The following METTL24 variants were observed in gnomAD, a reference collection of about 807,000 sequenced individuals.
METTL24 encodes probable methyltransferase-like protein 24.
Under a neutral mutation model 32.7 loss-of-function variants are expected in METTL24, and 29 were observed. The observed-to-expected ratio is 0.89, with a 90% CI of 0.66 to 1.21. The LOEUF is 1.21. METTL24 is among the 50% of genes most tolerant of loss of function. The pLI, the probability that METTL24 is intolerant of heterozygous loss-of-function variation, is 0.00. For synonymous variants in METTL24, 163 were observed against 179.5 expected, an observed-to-expected ratio of 0.91 and a Z score of 0.73; for missense variants, 439 against 468.1, an observed-to-expected ratio of 0.94 and a Z score of 0.57.
rs1467513119 is a variant in METTL24 at position 110,303,723 on chromosome 6, C to T, written c.558-4573G>A. On this transcript the variant is annotated intron_variant, in intron 3 of 4. Coordinates refer to ENST00000338882, the MANE Select transcript of METTL24 (RefSeq NM_001123364.3). ...GGGTCAGAGCACCTGGGGGAAGGGG[C>T]GGCTGCGGGTGCAGCTTCAGCAGAC... 3.3e-5 allele frequency among the ~76,000 whole-genome samples: 5 copies of T among 152,332 alleles called. No homozygotes were observed. The South Asian group carries it at 8.3e-4, about 25-fold the overall frequency.
At chr6:110,318,819 C>G (rs1456716602) in intron 2 of METTL24, among the ~76,000 whole-genome samples, 1 of 152,096 alleles carries the variant, frequency 6.6e-6, no homozygotes, top group Non-Finnish European at 1.5e-5. Flanking sequence ...ATTGATTTTT[C>G]AAACTTTCTA....
At chr6:110,276,159 G>A (rs1198038410) in intron 4 of METTL24, among the ~76,000 whole-genome samples, 2 of 152,152 alleles carry the variant, frequency 1.3e-5, no homozygotes, top group African/African-American at 4.8e-5. Context: ...TTTCCTAGGT[G>A]TGGTGGTTCA....
chr6:110,249,642 T>C (rs192171570), intron 4 of METTL24, among the ~76,000 whole-genome samples: 12 of 152,148 alleles, frequency 7.9e-5, no homozygotes, highest in African/African-American at 2.9e-4. Flanking sequence ...GCACTAAACA[T>C]TGCTGAATAG....
At chr6:110,295,516 A>G (rs1269762763) in intron 4 of METTL24, among the ~76,000 whole-genome samples, 4 of 152,234 alleles carry the variant, frequency 2.6e-5, no homozygotes, top group Admixed American at 2.0e-4. Context: ...CCCAGCCCCA[A>G]GGTCTACATC....
chr6:110,322,344 T>C (rs1327925532), intron 2 of METTL24, among the ~76,000 whole-genome samples: 1 of 152,202 alleles, frequency 6.6e-6, no homozygotes, highest in African/African-American at 2.4e-5. Context: ...AGCACATCCC[T>C]GGCTGCCAAG....
chr6:110,335,113 A>C (rs1313918121), intron 1 of METTL24, among the ~76,000 whole-genome samples: 1 of 152,210 alleles, frequency 6.6e-6, no homozygotes, highest in Non-Finnish European at 1.5e-5. Flanking sequence ...GGAAAAATCC[A>C]CAGTCTTTAT....
rs60310452 is a variant in METTL24 at position 110,298,551 on chromosome 6, A to ATT, written c.786+369_786+370dup. Among the ~76,000 whole-genome samples, 23 of 148,362 alleles carry ATT rather than the reference A, an allele frequency of 1.6e-4. No individual in the cohort carries two copies. In the East Asian group the frequency reaches 2.4e-3, roughly 15 times the overall value. ...CAATATCTTAGTAAACATAACCCCG[A>ATT]TTTTTTTTTTTGTATTTGAGGTCAA... On this transcript the variant is annotated intron_variant, in intron 4 of 4. Coordinates refer to ENST00000338882, the MANE Select transcript of METTL24 (RefSeq NM_001123364.3).
intron 1 of METTL24, among the ~76,000 whole-genome samples, chr6:110,335,395 G>A (rs545616493): frequency 9.9e-5 from 15 of 151,816 alleles, no homozygotes; most frequent in Admixed American, 7.2e-4. Context: ...ATGAAATCTC[G>A]AATATATTTC....
chr6:110,349,178 C>T (rs1390374526), intron 1 of METTL24, among the ~76,000 whole-genome samples: 1 of 152,204 alleles, frequency 6.6e-6, no homozygotes, highest in East Asian at 1.9e-4. Context: ...TTGCTTGCTA[C>T]CCGTCTCCAA....
intron 1 of METTL24, among the ~76,000 whole-genome samples, chr6:110,357,080 G>T (rs1447611429): frequency 6.6e-6 from 1 of 152,200 alleles, no homozygotes; most frequent in African/African-American, 2.4e-5. Context: ...CCGGGCAACG[G>T]AAAGTAGTTG....
At position 110,302,544 on chromosome 6, in the gene METTL24, C is replaced by CACATATGTGTATATAT. The variant is rs1562230892; in HGVS notation, c.558-3395_558-3394insATATATACACATATGT. On this transcript the variant is annotated intron_variant, in intron 3 of 4. Transcript: ENST00000338882. Reference sequence around the variant, plus strand: ...ATATGTGTATATATACACATATACACACACATATGTGTATATATACACACA... The same window carrying CACATATGTGTATATAT: ...ATATGTGTATATATACACATATACACACATATGTGTATATATACACATATGTGTATATATACACACA... Among the ~76,000 whole-genome samples the CACATATGTGTATATAT allele has an allele frequency of 4.1e-4, 44 of 108,016 alleles. 1 individual carries two copies. The highest frequency in any genetic ancestry group is 2.2e-3 in the African/African-American group (41 of 18,988). The allele number at this position is 108,016 out of a possible 152,430, so 70.9% of individuals were successfully genotyped here.
At chr6:110,356,810 G>C (rs1474118805) in intron 1 of METTL24, among the ~76,000 whole-genome samples, 1 of 152,244 alleles carries the variant, frequency 6.6e-6, no homozygotes, top group East Asian at 1.9e-4. Flanking sequence ...ATAGAAAAAG[G>C]TATTTCAGTT....
chr6:110,341,007 T>G (rs1269915638), intron 1 of METTL24, among the ~76,000 whole-genome samples: 6 of 149,506 alleles, frequency 4.0e-5, no homozygotes, highest in African/African-American at 9.8e-5. Flanking sequence ...GGTTTTATTA[T>G]TAAAACTTTT....
chr6:110,302,946 T>C (rs1210279205), intron 3 of METTL24, among the ~76,000 whole-genome samples: 1 of 152,122 alleles, frequency 6.6e-6, no homozygotes, highest in Non-Finnish European at 1.5e-5. Flanking sequence ...AATTTCTGCA[T>C]GTCCAACTGA....
chr6:110,338,856 G>A (rs144995856), intron 1 of METTL24, among the ~76,000 whole-genome samples: 1 of 152,260 alleles, frequency 6.6e-6, no homozygotes, highest in African/African-American at 2.4e-5. Context: ...CTGTTTGTAT[G>A]TAACCTTGCA....
At chr6:110,282,613 C>T (rs1048992676) in intron 4 of METTL24, among the ~76,000 whole-genome samples, 4 of 152,098 alleles carry the variant, frequency 2.6e-5, no homozygotes, top group African/African-American at 9.7e-5. Flanking sequence ...CACTGGGCAC[C>T]ACGGCCCAAT....
chr6:110,245,887 A>C lies in METTL24; in HGVS notation c.*59T>G. 1.3e-6 allele frequency: 2 copies of C among 1,489,866 alleles called. No individual in the cohort carries two copies. The highest frequency in any genetic ancestry group is 2.5e-5 in the South Asian group (2 of 78,602). The allele number at this position is 1,489,866 out of a possible 1,614,324, so 92.3% of individuals were successfully genotyped here. On this transcript the variant is annotated 3_prime_UTR_variant, in exon 5 of 5. Transcript: ENST00000338882. ...CTGGATGAGTAAACTCATGATTAGA[A>C]TTATGGACATGCTGCATTCTGCAAA...
intron 3 of METTL24, among the ~76,000 whole-genome samples, chr6:110,303,236 C>T (rs568705300): frequency 1.3e-5 from 2 of 152,226 alleles, no homozygotes; most frequent in South Asian, 4.1e-4. Context: ...ATTGGGCAGC[C>T]ATTTGGGCAG....
chr6:110,339,397 CTT>C (rs1306598185), intron 1 of METTL24, among the ~76,000 whole-genome samples: 1 of 152,198 alleles, frequency 6.6e-6, no homozygotes, highest in African/African-American at 2.4e-5. Context: ...AATGAGTTCT[CTT>C]TCCTAAGAAA....
Sources: gnomAD v4.1 joint callset for allele counts (sites outside exome capture counted in the v4.1 genomes callset) on GRCh38, gnomAD v4.1.1 for gene constraint, MANE v1.5 for transcripts, NCBI Gene and HGNC (gene_info 2026-07-23, HGNC 2026-07-21) for gene names.